Variants in SGCZ observed in about 807,000 individuals in gnomAD.
The protein encoded by SGCZ is zeta-sarcoglycan.
Under a neutral mutation model 41.3 loss-of-function variants are expected in SGCZ, and 40 were observed. The ratio of observed to expected loss-of-function variants is 0.97; its 90% CI spans 0.75 to 1.26. The LOEUF is 1.26. SGCZ is among the 50% of genes most tolerant of loss of function. The probability of loss-of-function intolerance (pLI) is 0.00; values close to 1 mark genes in which losing one functional copy is unlikely to be tolerated. For synonymous variants in SGCZ, 206 were observed against 137.5 expected (o/e 1.50, Z -3.49); for missense variants, 552 against 369.8 (o/e 1.49, Z -4.04).
At chr8:14,309,553 T>C in intron 3 of SGCZ, 1 of 1,610,490 alleles carries the variant, frequency 6.2e-7, no homozygotes, top group East Asian at 2.2e-5. Context: ...CTGTTACACA[T>C]ACAGGGACGG....
intron 1 of SGCZ, among the ~76,000 whole-genome samples, chr8:14,606,965 C>T (rs1805770664): frequency 6.6e-6 from 1 of 152,172 alleles, no homozygotes; most frequent in Admixed American, 6.5e-5. Flanking sequence ...GCTAATGTTA[C>T]TGCTTCTACT....
intron 1 of SGCZ, among the ~76,000 whole-genome samples, chr8:15,011,200 T>G (rs1802814777): frequency 1.3e-5 from 2 of 152,212 alleles, no homozygotes; most frequent in African/African-American, 4.8e-5. Flanking sequence ...ATAGTTAAAG[T>G]AGGTGAAATT....
intron 1 of SGCZ, among the ~76,000 whole-genome samples, chr8:15,206,753 A>G (rs1032038333): frequency 2.6e-5 from 4 of 151,762 alleles, no homozygotes; most frequent in Non-Finnish European, 5.9e-5. Context: ...AGCCGGGCAG[A>G]GTCTTTAATG....
chr8:14,789,088 C>T (rs1800867864), intron 1 of SGCZ, among the ~76,000 whole-genome samples: 1 of 152,186 alleles, frequency 6.6e-6, no homozygotes, highest in Admixed American at 6.6e-5. Flanking sequence ...TTTCTGAACA[C>T]AGCTTATCTA....
intron 1 of SGCZ, among the ~76,000 whole-genome samples, chr8:14,851,562 T>C (rs1306023229): frequency 6.6e-6 from 1 of 152,062 alleles, no homozygotes; most frequent in African/African-American, 2.4e-5. Context: ...TTGTTGAAGA[T>C]TTTGAAACCC....
intron 1 of SGCZ, among the ~76,000 whole-genome samples, chr8:14,866,889 C>T (rs1803952077): frequency 6.6e-6 from 1 of 152,070 alleles, no homozygotes; most frequent in African/African-American, 2.4e-5. Flanking sequence ...TGGGATAAAG[C>T]AGGAAAGCCT....
rs540951247 is a variant in SGCZ, at chr8:15,012,839, TC to T, written c.39+224745del. Among the ~76,000 whole-genome samples the T allele has an allele frequency of 5.3e-5, 8 of 151,332 alleles. 1 individual carries two copies. The South Asian group carries it at 1.7e-3, about 31-fold the overall frequency. On this transcript the variant is annotated intron_variant, in intron 1 of 7. Transcript: ENST00000382080. ...TATACAAGAATCACTGCTCAACATT[TC>T]TTTTTCAGTAATTTTCAGCTTTTTT...
chr8:15,042,579 A>G lies in SGCZ; in HGVS notation c.39+195006T>C, dbSNP rs183129970. ...TAAATAATATTCCAAATCTACAACC[A>G]GATTATTACTTGATATGGGTTAATA... On this transcript the variant is annotated intron_variant, in intron 1 of 7. Coordinates refer to ENST00000382080, the MANE Select transcript of SGCZ (RefSeq NM_139167.4). 1.7e-3 allele frequency among the ~76,000 whole-genome samples: 266 copies of G among 152,302 alleles called. 1 individual carries two copies. The highest frequency in any genetic ancestry group is 0.014 in the Middle Eastern group (4 of 294).
At chr8:14,091,159 C>G (rs1801677970) in intron 7 of SGCZ, among the ~76,000 whole-genome samples, 1 of 151,648 alleles carries the variant, frequency 6.6e-6, no homozygotes, top group Non-Finnish European at 1.5e-5. Flanking sequence ...CTGCAAAGGA[C>G]ATGAACTCAT....
intron 2 of SGCZ, among the ~76,000 whole-genome samples, chr8:14,457,781 C>A (rs1480022776): frequency 6.6e-6 from 1 of 152,166 alleles, no homozygotes; most frequent in African/African-American, 2.4e-5. Context: ...CGTGACCTTA[C>A]CTATAATTGG....
At chr8:14,853,254 A>G (rs983763496) in intron 1 of SGCZ, among the ~76,000 whole-genome samples, 6 of 152,210 alleles carry the variant, frequency 3.9e-5, no homozygotes, top group African/African-American at 1.2e-4. Flanking sequence ...AATGATCAAA[A>G]TGCTCATGTG....
chr8:14,910,451 T>C (rs989620540), intron 1 of SGCZ, among the ~76,000 whole-genome samples: 1 of 151,960 alleles, frequency 6.6e-6, no homozygotes, highest in Non-Finnish European at 1.5e-5. Context: ...TTACTAAATT[T>C]ATTAAATCTT....
intron 1 of SGCZ, among the ~76,000 whole-genome samples, chr8:14,702,201 A>AT (rs1809160056): frequency 6.6e-6 from 1 of 151,816 alleles, no homozygotes; most frequent in South Asian, 2.1e-4. Flanking sequence ...TCAACTTTCT[A>AT]TTTGTTGAAA....
intron 3 of SGCZ, among the ~76,000 whole-genome samples, chr8:14,247,667 C>T (rs780255864): frequency 3.3e-5 from 5 of 152,204 alleles, no homozygotes; most frequent in Non-Finnish European, 5.9e-5. Context: ...AGATATCCTC[C>T]TCTTAGCACT....
chr8:14,781,613 A>G (rs185995211), intron 1 of SGCZ, among the ~76,000 whole-genome samples: 55 of 152,326 alleles, frequency 3.6e-4, no homozygotes, highest in Non-Finnish European at 4.7e-4. Context: ...ATTCTTATCC[A>G]TTCATTTCTA....
chr8:14,784,913 A>AAAAATATATATAT (rs1408574493), intron 1 of SGCZ, among the ~76,000 whole-genome samples: 6 of 88,032 alleles, frequency 6.8e-5, no homozygotes, highest in African/African-American at 2.8e-4. Context: ...AAAAAAAAAA[A>AAAAATATATATAT]ATATATATAT....
intron 3 of SGCZ, among the ~76,000 whole-genome samples, chr8:14,244,425 C>T (rs905288431): frequency 2.7e-4 from 41 of 152,288 alleles, no homozygotes; most frequent in African/African-American, 9.1e-4. Flanking sequence ...CCCACTGAAG[C>T]TGCAAAACAA....
intron 1 of SGCZ, among the ~76,000 whole-genome samples, chr8:14,875,190 G>A (rs1804304300): frequency 6.6e-6 from 1 of 152,156 alleles, no homozygotes; most frequent in African/African-American, 2.4e-5. Context: ...ATACCGTGTT[G>A]CTACATCATC....
intron 3 of SGCZ, among the ~76,000 whole-genome samples, chr8:14,282,327 T>G (rs1374078833): frequency 7.0e-6 from 1 of 142,562 alleles, no homozygotes; most frequent in Non-Finnish European, 1.5e-5. Flanking sequence ...ACATTACCAT[T>G]TGTCTGTCTG....
Sources: gnomAD v4.1 joint callset for allele counts (sites outside exome capture counted in the v4.1 genomes callset) on GRCh38, gnomAD v4.1.1 for gene constraint, MANE v1.5 for transcripts, NCBI Gene and HGNC (gene_info 2026-07-23, HGNC 2026-07-21) for gene names.